C3orf20: variants seen among roughly 807,000 people sequenced by gnomAD.
C3orf20 encodes the protein family with sequence similarity 149 member C.
A neutral mutation model predicts 88.3 loss-of-function variants in C3orf20; 76 were observed. The observed-to-expected ratio is 0.86, with a 90% CI of 0.72 to 1.04. The LOEUF (loss-of-function observed/expected upper bound fraction) is 1.04. C3orf20 is among the 50% of genes least tolerant of loss of function. C3orf20 has a pLI of 0.00. For missense variants in C3orf20, 1,056 were observed against 1,123.3 expected, an observed-to-expected ratio of 0.94 and a Z score of 0.86; for synonymous variants, 436 against 437.4, an observed-to-expected ratio of 1.00 and a Z score of 0.04.
chr3:14,728,292 C>A, intron 11 of C3orf20, 147 bp from the exon 12 acceptor site: 3 of 862,540 alleles, frequency 3.5e-6, no homozygotes, highest in Non-Finnish European at 5.5e-6. Flanking sequence ...TATTGGACAG[C>A]AGAGGGGAGG....
chr3:14,716,536 C>T (rs998687560), intron 9 of C3orf20, among the ~76,000 whole-genome samples: 3 of 152,138 alleles, frequency 2.0e-5, no homozygotes, highest in African/African-American at 7.2e-5. Context: ...TTCCTCAGAC[C>T]ACACCTCTGC....
chr3:14,742,036 G>A (rs2034914726), intron 12 of C3orf20, among the ~76,000 whole-genome samples: 1 of 152,214 alleles, frequency 6.6e-6, no homozygotes, highest in African/African-American at 2.4e-5. Flanking sequence ...CTAATCCTCA[G>A]TTTGGTCTGG....
At chr3:14,725,565 C>G (rs2034316819) in intron 10 of C3orf20, among the ~76,000 whole-genome samples, 1 of 152,114 alleles carries the variant, frequency 6.6e-6, no homozygotes, top group Non-Finnish European at 1.5e-5. Flanking sequence ...GTATAAATTT[C>G]AAATAAATAA....
At chr3:14,698,256 G>A (rs2033097295) in intron 5 of C3orf20, among the ~76,000 whole-genome samples, 1 of 152,190 alleles carries the variant, frequency 6.6e-6, no homozygotes, top group Non-Finnish European at 1.5e-5. Flanking sequence ...TAACATATCT[G>A]TTTCTCCAGA....
intron 9 of C3orf20, among the ~76,000 whole-genome samples, chr3:14,719,687 G>T (rs141389253): frequency 6.6e-6 from 1 of 152,142 alleles, no homozygotes; most frequent in Non-Finnish European, 1.5e-5. Flanking sequence ...TGGGAGTTTG[G>T]GGGAGAGAAA....
At position 14,773,007 on chromosome 3, in the gene C3orf20, C is replaced by A; in HGVS notation, c.*132C>A. 1.4e-6 allele frequency: 1 copy of A among 692,416 alleles called. No homozygotes were observed. The highest frequency in any genetic ancestry group is 1.7e-5 in the South Asian group (1 of 58,586). 42.9% of individuals were successfully genotyped at this position (692,416 alleles called of 1,614,324 possible). On this transcript the variant is annotated 3_prime_UTR_variant, in exon 17 of 17. Coordinates refer to ENST00000253697, the MANE Select transcript of C3orf20 (RefSeq NM_032137.5). ...CTATAATAAACCAGCGGGCCTCCAG[C>A]ATTGGGGTGAGGCTCTGGGGAAGGA... is the stretch of plus-strand genomic sequence containing the variant.
intron 7 of C3orf20, among the ~76,000 whole-genome samples, chr3:14,709,651 T>C (rs1034307262): frequency 1.3e-5 from 2 of 152,172 alleles, no homozygotes; most frequent in African/African-American, 4.8e-5. Flanking sequence ...ACCCCCGCCA[T>C]TCTATTACTA....
At chr3:14,757,323 C>G in intron 12 of C3orf20, 48 bp from the exon 13 acceptor site, 1 of 1,519,044 alleles carries the variant, frequency 6.6e-7, no homozygotes, top group East Asian at 2.4e-5. Context: ...GAACCACAGA[C>G]CTTCACCACC....
At chr3:14,764,883 A>G (rs958598905) in intron 15 of C3orf20, 2 of 152,380 alleles carry the variant, frequency 1.3e-5, no homozygotes, top group African/African-American at 4.8e-5. Context: ...GCCAGCCCAT[A>G]TTCAAGGTCG....
chr3:14,721,857 A>T, intron 10 of C3orf20, 73 bp downstream of exon 10: 1 of 1,582,990 alleles, frequency 6.3e-7, no homozygotes, highest in Non-Finnish European at 8.6e-7. Flanking sequence ...TTCATATCTC[A>T]GGGCCTTTGC....
intron 1 of C3orf20, among the ~76,000 whole-genome samples, chr3:14,680,768 C>T (rs1444397047): frequency 6.6e-6 from 1 of 152,116 alleles, no homozygotes; most frequent in African/African-American, 2.4e-5. Flanking sequence ...TATTTCAAGA[C>T]TTATATTAGT....
rs904136482 is a variant in C3orf20, at chr3:14,675,281, T to C, written c.-299+29T>C. 2.0e-5 allele frequency: 3 copies of C among 152,226 alleles called. No homozygotes were observed. The East Asian group carries it at 5.8e-4, about 29-fold the overall frequency. 9.4% of individuals were successfully genotyped at this position (152,226 alleles called of 1,614,324 possible). A position where few individuals can be genotyped will look rare whatever the true frequency, so the allele number is the denominator to read the frequency against. ...AGTGATGATCACTGAAAGGAATTCA[T>C]TGACCCACTGAAAAAATGAGAGTAG... On this transcript the variant is annotated intron_variant, in intron 1 of 16. Transcript: ENST00000253697.
chr3:14,733,490 G>C (rs2034605904), intron 12 of C3orf20, among the ~76,000 whole-genome samples: 1 of 152,128 alleles, frequency 6.6e-6, no homozygotes, highest in African/African-American at 2.4e-5. Flanking sequence ...TGTACATATG[G>C]ATTATTTCTT....
At chr3:14,724,806 T>C (rs1472305595) in intron 10 of C3orf20, among the ~76,000 whole-genome samples, 2 of 152,252 alleles carry the variant, frequency 1.3e-5, no homozygotes. Flanking sequence ...ATTATATTTC[T>C]AGTGGATCAT....
Position 14,683,069 on chromosome 3 carries a change from T to C in C3orf20, c.356T>C (p.Leu119Pro), listed in dbSNP as rs1183092861. ...ATTGAAKRSTLSPTMARQVRT... is the reference protein window; with the variant it reads ...ATTGAAKRSTPSPTMARQVRT... ...ACTGGGGCAGCCAAGCGCTCCACCC[T>C]CTCTCCCACCATGGCCCGTCAGGTG... Residue 119 changes from leucine to proline, a missense_variant, in exon 3 of 17, where the codon CTC (leucine) becomes CCC (proline). Coordinates refer to ENST00000253697, the MANE Select transcript of C3orf20 (RefSeq NM_032137.5). 3 of 1,611,506 alleles carry C rather than the reference T, an allele frequency of 1.9e-6. No individual in the cohort carries two copies. Among genetic ancestry groups the C allele is most frequent in the Non-Finnish European group, 2.5e-6 (3 of 1,178,768 alleles).
chr3:14,752,221 CA>C (rs1242013658), intron 12 of C3orf20, among the ~76,000 whole-genome samples: 1 of 152,104 alleles, frequency 6.6e-6, no homozygotes, highest in Non-Finnish European at 1.5e-5. Flanking sequence ...GACAAATACA[CA>C]CAATGGGGAA....
chr3:14,689,941 CT>C (rs1291529573), intron 4 of C3orf20, 55 bp from the exon 5 acceptor site: 2 of 1,611,064 alleles, frequency 1.2e-6, no homozygotes, highest in Non-Finnish European at 1.7e-6. Flanking sequence ...ACATTTTTGG[CT>C]AATAAAATTA....
intron 5 of C3orf20, among the ~76,000 whole-genome samples, chr3:14,696,986 A>C (rs2033031851): frequency 6.6e-6 from 1 of 152,116 alleles, no homozygotes; most frequent in South Asian, 2.1e-4. Flanking sequence ...CCCTTTAAAT[A>C]TGTCATGCCA....
chr3:14,725,781 T>G (rs1413598439), intron 10 of C3orf20, among the ~76,000 whole-genome samples: 1 of 152,098 alleles, frequency 6.6e-6, no homozygotes, highest in Non-Finnish European at 1.5e-5. Flanking sequence ...AGAGAGTTTT[T>G]TTCCTACCTT....
Sources: gnomAD v4.1 joint callset for allele counts (sites outside exome capture counted in the v4.1 genomes callset) on GRCh38, gnomAD v4.1.1 for gene constraint, MANE v1.5 for transcripts, NCBI Gene and HGNC (gene_info 2026-07-23, HGNC 2026-07-21) for gene names.